CAMTA1: variants seen among roughly 807,000 people sequenced by gnomAD.
The protein encoded by CAMTA1 is calmodulin binding transcription activator 1, also known as calmodulin-binding transcription activator 1.
Under a neutral mutation model 170.9 loss-of-function variants are expected in CAMTA1, and 27 were observed. That is an observed-to-expected ratio of 0.16 (90% CI 0.12 to 0.22). The LOEUF is 0.22. Among genes scored for constraint, CAMTA1 ranks in the 10% least tolerant of loss-of-function variants. The probability of loss-of-function intolerance (pLI) is 1.00; values close to 1 mark genes in which losing one functional copy is unlikely to be tolerated. For synonymous variants in CAMTA1, 833 were observed against 891.5 expected (o/e 0.93, Z 1.17); for missense variants, 1,619 against 2,217.2 (o/e 0.73, Z 5.42).
At chr1:7,126,683 TC>T (rs1255570594) in intron 4 of CAMTA1, among the ~76,000 whole-genome samples, 3 of 152,190 alleles carry the variant, frequency 2.0e-5, no homozygotes, top group Non-Finnish European at 4.4e-5. Flanking sequence ...TAGCTGAAGA[TC>T]CAACCAATGC....
rs2095359299 is a variant in CAMTA1, at chr1:7,592,050, C to T, written c.511-48350C>T. ...AGTAGCTGGGATTACAGGTGCATGC[C>T]ACCATACCTAGCTAATTTTTATATT... On this transcript the variant is annotated intron_variant, in intron 6 of 22. Transcript: ENST00000303635. This position sits in a 1 kb window ranked among gnomAD's most constrained non-coding sequence, Gnocchi z 4.6. Among the ~76,000 whole-genome samples the T allele has an allele frequency of 6.6e-6, 1 of 152,134 alleles. No individual in the cohort carries two copies. Among genetic ancestry groups the T allele is most frequent in the Non-Finnish European group, 1.5e-5 (1 of 68,028 alleles).
At chr1:6,996,685 AAAAAAAAGAAAG>A (rs894552293) in intron 3 of CAMTA1, among the ~76,000 whole-genome samples, 58 of 116,256 alleles carry the variant, frequency 5.0e-4, no homozygotes, top group Non-Finnish European at 8.4e-4. Flanking sequence ...AGCTATTTAA[AAAAAAAAGAAAG>A]AAAGAAAGAA....
intron 4 of CAMTA1, among the ~76,000 whole-genome samples, chr1:7,217,801 G>C (rs1418193752): frequency 6.6e-6 from 1 of 152,034 alleles, no homozygotes; most frequent in African/African-American, 2.4e-5. Context: ...TTCTGGTTTT[G>C]TCTTTCCTTT....
chr1:6,983,472 CT>C (rs1270752915), intron 3 of CAMTA1, among the ~76,000 whole-genome samples: 3 of 152,202 alleles, frequency 2.0e-5, no homozygotes, highest in Admixed American at 1.3e-4. Context: ...ACAGGCACCC[CT>C]GTCATAATCT....
chr1:7,423,224 A>G (rs1242805883), intron 5 of CAMTA1, among the ~76,000 whole-genome samples: 1 of 152,158 alleles, frequency 6.6e-6, no homozygotes, highest in Non-Finnish European at 1.5e-5. Flanking sequence ...TAAGCCCAGC[A>G]CTTTGGGAGG....
intron 4 of CAMTA1, among the ~76,000 whole-genome samples, chr1:7,163,627 G>A (rs879429885): frequency 3.9e-5 from 6 of 152,224 alleles, no homozygotes; most frequent in African/African-American, 1.2e-4. Context: ...AATACTTGGG[G>A]TATGGGAGAA....
chr1:7,492,815 A>G (rs568871260), intron 6 of CAMTA1, among the ~76,000 whole-genome samples: 18,151 of 131,096 alleles, frequency 0.14, 1,709 homozygotes, highest in East Asian at 0.44. Flanking sequence ...ACATGCGCGC[A>G]CAGACACACA....
In CAMTA1 at chr1:7,454,520, A is replaced by G. The variant is rs74482891; in HGVS notation, c.439-13310A>G. Among the ~76,000 whole-genome samples, 232 of 152,286 alleles carry G rather than the reference A, an allele frequency of 1.5e-3. 2 individuals are homozygous for G. Among genetic ancestry groups the G allele is most frequent in the African/African-American group, 5.0e-3 (207 of 41,562 alleles). ...GCCCACAGTCATCAGTGCTGCTAAG[A>G]TGTGCAGGCGAGTTTCAAACCCAAG... On this transcript the variant is annotated intron_variant, in intron 5 of 22. Coordinates refer to ENST00000303635, the MANE Select transcript of CAMTA1 (RefSeq NM_015215.4).
chr1:6,926,497 T>TC (rs1241031775), intron 3 of CAMTA1, among the ~76,000 whole-genome samples: 4 of 146,584 alleles, frequency 2.7e-5, no homozygotes, highest in African/African-American at 7.6e-5. Context: ...TCTCTCTCTC[T>TC]TTTCTTCCTT....
At chr1:7,197,920 G>A (rs1369529128) in intron 4 of CAMTA1, among the ~76,000 whole-genome samples, 1 of 151,796 alleles carries the variant, frequency 6.6e-6, no homozygotes, top group Non-Finnish European at 1.5e-5. Context: ...GGCCAGAGTG[G>A]GGAGACAGCT....
In CAMTA1 at chr1:6,972,937, C is replaced by T. The variant is rs1241489591; in HGVS notation, c.235-118367C>T. On this transcript the variant is annotated intron_variant, in intron 3 of 22. Coordinates refer to ENST00000303635, the MANE Select transcript of CAMTA1 (RefSeq NM_015215.4). Reference sequence around the variant, plus strand: ...TGTGATCTTGGCTCACGGTAACCCCCGCCTCCCAGGTTCAAGTGATTCTCC... The same window carrying T: ...TGTGATCTTGGCTCACGGTAACCCCTGCCTCCCAGGTTCAAGTGATTCTCC... Among the ~76,000 whole-genome samples the T allele has an allele frequency of 5.3e-5, 8 of 152,022 alleles. No individual in the cohort carries two copies. In the East Asian group the frequency reaches 5.8e-4, roughly 11 times the overall value.
In CAMTA1 at chr1:7,455,396, C is replaced by T. The variant is rs1244284410; in HGVS notation, c.439-12434C>T. ...ATTCTGCATGCTCAGGCCGAATTAACCTTGGCAAGCCTTCAAGAGGAGAGA... is the reference window on the plus strand; with the variant it reads ...ATTCTGCATGCTCAGGCCGAATTAATCTTGGCAAGCCTTCAAGAGGAGAGA... On this transcript the variant is annotated intron_variant, in intron 5 of 22. Transcript: ENST00000303635. The surrounding 1 kb of genome is among the most constrained non-coding windows in gnomAD (Gnocchi z 5.0). 6.6e-6 allele frequency among the ~76,000 whole-genome samples: 1 copy of T among 152,214 alleles called. No individual in the cohort carries two copies. The highest frequency in any genetic ancestry group is 2.4e-5 in the African/African-American group (1 of 41,454).
At chr1:7,494,722 TG>T (rs1439424759) in intron 6 of CAMTA1, among the ~76,000 whole-genome samples, 1 of 152,092 alleles carries the variant, frequency 6.6e-6, no homozygotes, top group Admixed American at 6.6e-5. Flanking sequence ...GAGAATCACT[TG>T]AACTCCAGAA....
chr1:6,956,680 C>A (rs937589702), intron 3 of CAMTA1, among the ~76,000 whole-genome samples: 1 of 152,118 alleles, frequency 6.6e-6, no homozygotes, highest in African/African-American at 2.4e-5. Flanking sequence ...GAGGGAGCAC[C>A]AAGGATGGCC....
chr1:7,746,836 A>C (rs2096860530), intron 18 of CAMTA1, among the ~76,000 whole-genome samples: 1 of 152,096 alleles, frequency 6.6e-6, no homozygotes, highest in Non-Finnish European at 1.5e-5. Context: ...AGGTTTTCAC[A>C]ATGTTGGCCA....
rs946845700 is a variant in CAMTA1, at chr1:7,767,265, T to C, written c.*774T>C. 1 of 152,792 alleles carries C rather than the reference T, an allele frequency of 6.5e-6. No homozygotes were observed. Among genetic ancestry groups the C allele is most frequent in the African/African-American group, 2.4e-5 (1 of 41,458 alleles). The allele number at this position is 152,792 out of a possible 1,614,324, so 9.5% of individuals were successfully genotyped here. On this transcript the variant is annotated 3_prime_UTR_variant, in exon 23 of 23. Coordinates refer to ENST00000303635, the MANE Select transcript of CAMTA1 (RefSeq NM_015215.4). The stretch of plus-strand genomic sequence containing the variant: ...GAACCTGCGAGGGTAGTAATCATCT[T>C]GTCCCCTTTTTCATGTTCAGCACTT...
chr1:6,914,102 C>CTT lies in CAMTA1; in HGVS notation c.234+88910_234+88911dup, dbSNP rs35814913. On this transcript the variant is annotated intron_variant, in intron 3 of 22. Coordinates refer to ENST00000303635, the MANE Select transcript of CAMTA1 (RefSeq NM_015215.4). The stretch of plus-strand genomic sequence containing the variant: ...GGTTGCAAAAAGGCAGGGCTCATCT[C>CTT]TTTTTTTTTTTTTTTTTTTGAGATA... Among the ~76,000 whole-genome samples, 351 of 121,972 alleles carry CTT rather than the reference C, an allele frequency of 2.9e-3. 5 individuals are homozygous for CTT. Among genetic ancestry groups the CTT allele is most frequent in the African/African-American group, 4.0e-3 (130 of 32,576 alleles). 80.0% of individuals were successfully genotyped at this position (121,972 alleles called of 152,430 possible).
At chr1:7,485,682 GC>G (rs1182772739) in intron 6 of CAMTA1, among the ~76,000 whole-genome samples, 1 of 152,166 alleles carries the variant, frequency 6.6e-6, no homozygotes, top group Non-Finnish European at 1.5e-5. Context: ...TCCCCACCAG[GC>G]GAGGCAGGAC....
intron 5 of CAMTA1, among the ~76,000 whole-genome samples, chr1:7,256,481 A>C (rs976067632): frequency 6.6e-6 from 1 of 152,246 alleles, no homozygotes; most frequent in East Asian, 1.9e-4. Flanking sequence ...AATGGCGTGA[A>C]CCCGGGAGGC....
Sources: allele counts gnomAD v4.1 joint callset (sites outside exome capture counted in the v4.1 genomes callset), GRCh38; gene constraint gnomAD v4.1.1; non-coding constraint Gnocchi (gnomAD v3.1); transcripts MANE v1.5; gene names NCBI Gene and HGNC (gene_info 2026-07-23, HGNC 2026-07-21).